Variants in SPON1 observed in about 807,000 individuals in gnomAD.
The protein encoded by SPON1 is spondin 1, also known as spondin-1.
A neutral mutation model predicts 111.7 loss-of-function variants in SPON1; 52 were observed. That is an observed-to-expected ratio of 0.47 (90% CI 0.37 to 0.59). The LOEUF is 0.59. SPON1 is among the 20% of genes least tolerant of loss of function. SPON1 has a pLI of 0.00. For synonymous variants in SPON1, 410 were observed against 395.8 expected (o/e 1.04, Z -0.43); for missense variants, 957 against 1,068.5 (o/e 0.90, Z 1.46).
At chr11:14,014,789 C>G (rs1848432717) in intron 2 of SPON1, among the ~76,000 whole-genome samples, 1 of 152,180 alleles carries the variant, frequency 6.6e-6, no homozygotes, top group Non-Finnish European at 1.5e-5. Flanking sequence ...AGATTTGTGA[C>G]TGTGGCCTTT....
chr11:13,998,564 C>G (rs1437515553), intron 2 of SPON1, among the ~76,000 whole-genome samples: 1 of 152,208 alleles, frequency 6.6e-6, no homozygotes, highest in African/African-American at 2.4e-5. Context: ...TAGTTCTTCG[C>G]TCACTGTGTT....
intron 2 of SPON1, among the ~76,000 whole-genome samples, chr11:14,036,329 T>C (rs920125665): frequency 3.9e-5 from 6 of 152,188 alleles, no homozygotes; most frequent in Non-Finnish European, 7.4e-5. Context: ...AGAAATGATG[T>C]AGCTTAGTCC....
chr11:13,998,691 GC>G (rs1285727515), intron 2 of SPON1, among the ~76,000 whole-genome samples: 1 of 152,208 alleles, frequency 6.6e-6, no homozygotes, highest in Non-Finnish European at 1.5e-5. Flanking sequence ...CCTCACCAAG[GC>G]CTGGCACACT....
chr11:14,097,195 C>T (rs544117921), intron 5 of SPON1, among the ~76,000 whole-genome samples: 3 of 152,168 alleles, frequency 2.0e-5, no homozygotes, highest in Non-Finnish European at 4.4e-5. Flanking sequence ...CCAAAACATA[C>T]TCAAAGGAAC....
chr11:14,160,445 A>T (rs71467708), intron 6 of SPON1, among the ~76,000 whole-genome samples: 167 of 10,576 alleles, frequency 0.016, 4 homozygotes, highest in East Asian at 0.075. Flanking sequence ...ATATATATTT[A>T]TATATATATT....
At chr11:14,045,113 A>G (rs1554917717) in intron 3 of SPON1, among the ~76,000 whole-genome samples, 1 of 152,210 alleles carries the variant, frequency 6.6e-6, no homozygotes, top group African/African-American at 2.4e-5. Flanking sequence ...ATTTTTCTCC[A>G]GAAAGCTTGC....
chr11:14,190,987 AGCACTTACAATCCCATCACTTGGTATAT>A (rs1848341908), intron 6 of SPON1, among the ~76,000 whole-genome samples: 3 of 152,124 alleles, frequency 2.0e-5, no homozygotes, highest in Admixed American at 6.5e-5. Context: ...AAAAGAAAAA[AGCACTTACAATCCCATCACTTGGTATAT>A]AAAGAATAAA....
intron 6 of SPON1, among the ~76,000 whole-genome samples, chr11:14,171,682 G>A (rs1259138898): frequency 6.6e-6 from 1 of 151,886 alleles, no homozygotes; most frequent in African/African-American, 2.4e-5. Context: ...AGAGATTCTG[G>A]TATGTTGTGT....
chr11:14,110,531 C>T (rs1554925350), intron 5 of SPON1, among the ~76,000 whole-genome samples: 1 of 152,160 alleles, frequency 6.6e-6, no homozygotes, highest in Non-Finnish European at 1.5e-5. Context: ...AAGCTAGCTG[C>T]CTGCAAGCTG....
intron 5 of SPON1, among the ~76,000 whole-genome samples, chr11:14,125,301 CA>C (rs1429410454): frequency 3.9e-5 from 6 of 152,200 alleles, no homozygotes; most frequent in African/African-American, 1.4e-4. Flanking sequence ...CTGGCAGGTC[CA>C]CAATACTTTT....
intron 11 of SPON1, among the ~76,000 whole-genome samples, chr11:14,258,519 T>C (rs1001808285): frequency 2.6e-5 from 4 of 152,230 alleles, no homozygotes; most frequent in East Asian, 1.9e-4. Context: ...CTCTGCCTGA[T>C]AGATCTACGC....
rs1564946147 is a variant in SPON1 at position 14,266,641 on chromosome 11, TA to T, written c.*956del. Reference sequence around the variant, plus strand: ...CATTTTTGCTATACAAACATTTTGCTAAGTCTGCCCAAAGCCCCCCCAATGC... The same window carrying T: ...CATTTTTGCTATACAAACATTTTGCTAGTCTGCCCAAAGCCCCCCCAATGC... On this transcript the variant is annotated 3_prime_UTR_variant, in exon 16 of 16. Transcript: ENST00000576479. 6.6e-6 allele frequency: 1 copy of T among 152,224 alleles called. No individual in the cohort carries two copies. The allele number at this position is 152,224 out of a possible 1,614,324, so 9.4% of individuals were successfully genotyped here. A position where few individuals can be genotyped will look rare whatever the true frequency, so the allele number is the denominator to read the frequency against.
At chr11:14,107,494 A>G (rs1554925038) in intron 5 of SPON1, among the ~76,000 whole-genome samples, 1 of 150,600 alleles carries the variant, frequency 6.6e-6, no homozygotes, top group African/African-American at 2.5e-5. Flanking sequence ...TTTGGTAAAC[A>G]TTTCTTGCAT....
intron 6 of SPON1, among the ~76,000 whole-genome samples, chr11:14,141,541 A>G (rs1847656363): frequency 6.6e-6 from 1 of 152,118 alleles, no homozygotes; most frequent in Non-Finnish European, 1.5e-5. Flanking sequence ...GGCATTGATT[A>G]TTTCACCTTC....
chr11:14,262,086 A>G (rs1160177665), intron 14 of SPON1, among the ~76,000 whole-genome samples: 2 of 152,180 alleles, frequency 1.3e-5, no homozygotes, highest in African/African-American at 4.8e-5. Context: ...CTTAGTAAGA[A>G]TTTACTGGAT....
chr11:14,224,861 G>T, intron 6 of SPON1: 1 of 319,726 alleles, frequency 3.1e-6, no homozygotes, highest in Non-Finnish European at 6.3e-6. Flanking sequence ...TTTCAAGAGT[G>T]GAGTAGCCTG....
At chr11:14,076,914 CT>C (rs1310358273) in intron 4 of SPON1, among the ~76,000 whole-genome samples, 7 of 152,172 alleles carry the variant, frequency 4.6e-5, no homozygotes, top group South Asian at 2.1e-4. Context: ...TGAGGCTTTT[CT>C]TTTTTGTGTT....
intron 2 of SPON1, among the ~76,000 whole-genome samples, chr11:14,009,196 G>A (rs1848386523): frequency 6.6e-6 from 1 of 152,112 alleles, no homozygotes; most frequent in South Asian, 2.1e-4. Context: ...GTTTGTTGAA[G>A]GTATTCACAT....
At chr11:13,966,821 A>G (rs1848021239) in intron 1 of SPON1, among the ~76,000 whole-genome samples, 2 of 152,188 alleles carry the variant, frequency 1.3e-5, no homozygotes, top group African/African-American at 4.8e-5. Context: ...CACCTCTCTG[A>G]GCCAATTTCT....
Sources: allele counts gnomAD v4.1 joint callset (sites outside exome capture counted in the v4.1 genomes callset), GRCh38; gene constraint gnomAD v4.1.1; transcripts MANE v1.5; gene names NCBI Gene and HGNC (gene_info 2026-07-23, HGNC 2026-07-21).